The following DTX4 variants were observed in gnomAD, a reference collection of about 807,000 sequenced individuals.
DTX4 encodes E3 ubiquitin-protein ligase DTX4.
In DTX4, 28 loss-of-function variants were observed where a neutral mutation model predicts 57.6. That is an observed-to-expected ratio of 0.49 (90% confidence interval 0.36 to 0.67). DTX4 has a LOEUF of 0.67. DTX4 is among the 30% of genes least tolerant of loss of function. The pLI is 0.00. For missense variants in DTX4, 715 were observed against 836.8 expected (o/e 0.85, Z 1.80); for synonymous variants, 316 against 331.0 (o/e 0.95, Z 0.49).
At chr11:59,197,121 G>A (rs908740555) in intron 7 of DTX4, among the ~76,000 whole-genome samples, 5 of 152,150 alleles carry the variant, frequency 3.3e-5, no homozygotes, top group African/African-American at 7.2e-5. Context: ...GGGAAATAAC[G>A]TTTGCCTATG....
chr11:59,190,544 A>G (rs1862585492), intron 4 of DTX4, among the ~76,000 whole-genome samples: 1 of 152,102 alleles, frequency 6.6e-6, no homozygotes, highest in South Asian at 2.1e-4. Context: ...TCCCTAAATC[A>G]TTGCAGCCCA....
chr11:59,181,798 G>A lies in DTX4; in HGVS notation c.271G>A (p.Val91Met), dbSNP rs745756061. 8.7e-6 allele frequency: 14 copies of A among 1,613,954 alleles called. No homozygotes were observed. The highest frequency in any genetic ancestry group is 5.5e-5 in the South Asian group (5 of 91,086). Reference protein sequence around the residue: ...YDPSSAPGKGVVWEWENDNGS... With the variant: ...YDPSSAPGKGMVWEWENDNGS... ...CCCCTCCTCGGCCCCTGGGAAGGGCGTGGTGTGGGAGTGGGAGAACGACAA... is the reference window on the plus strand; with the variant it reads ...CCCCTCCTCGGCCCCTGGGAAGGGCATGGTGTGGGAGTGGGAGAACGACAA... Residue 91 changes from valine to methionine, a missense_variant, in exon 2 of 9, where the codon GTG (valine) becomes ATG (methionine). Transcript: ENST00000227451.
At chr11:59,190,190 T>C (rs1862578819) in intron 4 of DTX4, among the ~76,000 whole-genome samples, 1 of 152,220 alleles carries the variant, frequency 6.6e-6, no homozygotes, top group Admixed American at 6.5e-5. Context: ...TTCCAGTCCG[T>C]CAAGATTTCC....
At chr11:59,203,670 T>C (rs1862766118) in intron 8 of DTX4, among the ~76,000 whole-genome samples, 1 of 152,240 alleles carries the variant, frequency 6.6e-6, no homozygotes, top group South Asian at 2.1e-4. Flanking sequence ...TGATTAAAAG[T>C]ACAGTATAGT....
At chr11:59,184,724 A>G (rs765385696) in intron 2 of DTX4, among the ~76,000 whole-genome samples, 3 of 152,122 alleles carry the variant, frequency 2.0e-5, no homozygotes, top group Non-Finnish European at 2.9e-5. Flanking sequence ...GAATGGGTGG[A>G]GGTCTGAGCA....
At chr11:59,188,968 A>G (rs558383154) in intron 3 of DTX4, among the ~76,000 whole-genome samples, 172 bp downstream of exon 3, 2 of 152,380 alleles carry the variant, frequency 1.3e-5, no homozygotes, top group East Asian at 3.9e-4. Flanking sequence ...ACTGATTACT[A>G]AAAGGAAAGC....
intron 2 of DTX4, among the ~76,000 whole-genome samples, chr11:59,187,356 T>C (rs1260450897): frequency 1.3e-5 from 2 of 152,150 alleles, no homozygotes; most frequent in African/African-American, 4.8e-5. Context: ...GCATAGGATG[T>C]TGGAAGGATC....
intron 8 of DTX4, among the ~76,000 whole-genome samples, chr11:59,203,265 TA>T (rs1862760915): frequency 6.6e-6 from 1 of 152,264 alleles, no homozygotes; most frequent in Non-Finnish European, 1.5e-5. Context: ...AAAAACCTTT[TA>T]ACTTTTTTCA....
At chr11:59,200,656 G>A (rs1347271109) in intron 8 of DTX4, among the ~76,000 whole-genome samples, 1 of 152,108 alleles carries the variant, frequency 6.6e-6, no homozygotes, top group Non-Finnish European at 1.5e-5. Flanking sequence ...ACAATCATTG[G>A]GTTTCTGGAT....
rs77538115 is a variant in DTX4, at chr11:59,196,174, C to A, written c.1536+805C>A. On this transcript the variant is annotated intron_variant, in intron 7 of 8. Coordinates refer to ENST00000227451, the MANE Select transcript of DTX4 (RefSeq NM_015177.2). ...TTCTTCCATTTTGTCTTTTATTTAA[C>A]AAACATGGAGTGTGGATTATGGTCC... Among the ~76,000 whole-genome samples the A allele has an allele frequency of 8.1e-4, 123 of 152,316 alleles. 1 individual carries two copies. The highest frequency in any genetic ancestry group is 2.8e-3 in the African/African-American group (116 of 41,570).
intron 2 of DTX4, among the ~76,000 whole-genome samples, 193 bp downstream of exon 2, chr11:59,182,655 T>C (rs1862481925): frequency 6.6e-6 from 1 of 152,190 alleles, no homozygotes; most frequent in Non-Finnish European, 1.5e-5. Flanking sequence ...TGGCCTCTGA[T>C]CTGGACTCTG....
chr11:59,196,794 G>A (rs934162431), intron 7 of DTX4, among the ~76,000 whole-genome samples: 1 of 152,134 alleles, frequency 6.6e-6, no homozygotes, highest in African/African-American at 2.4e-5. Flanking sequence ...ATGCCCAGAT[G>A]AGGCCATCTA....
At chr11:59,180,237 A>G (rs912919767) in intron 1 of DTX4, among the ~76,000 whole-genome samples, 1 of 152,030 alleles carries the variant, frequency 6.6e-6, no homozygotes, top group Non-Finnish European at 1.5e-5. Flanking sequence ...CAAGCTGCGC[A>G]CTTAGGAAGG....
chr11:59,207,286 G>T lies in DTX4; in HGVS notation c.*2377G>T. The T allele has an allele frequency of 6.6e-6, 1 of 152,582 alleles. No homozygotes were observed. The allele number at this position is 152,582 out of a possible 1,614,324, so 9.5% of individuals were successfully genotyped here. A position where few individuals can be genotyped will look rare whatever the true frequency, so the allele number is the denominator to read the frequency against. On this transcript the variant is annotated 3_prime_UTR_variant, in exon 9 of 9. Transcript: ENST00000227451. ...TAGGTGGGGAAGGGGGTGGCCAGGA[G>T]CAGAAGGAAGAAGACTCAAGATGGA...
At position 59,192,754 on chromosome 11, in the gene DTX4, A is replaced by G. The variant is rs1862615785; in HGVS notation, c.1374+504A>G. ...CACCCTTGATTGGCCCTTCAAAGGTACTAAAGACTGTTGCCAAAGTACACC... is the reference window on the plus strand; with the variant it reads ...CACCCTTGATTGGCCCTTCAAAGGTGCTAAAGACTGTTGCCAAAGTACACC... On this transcript the variant is annotated intron_variant, in intron 6 of 8. Transcript: ENST00000227451. Among the ~76,000 whole-genome samples the G allele has an allele frequency of 2.0e-5, 3 of 152,208 alleles. No homozygotes were observed. The South Asian group carries it at 6.2e-4, about 31-fold the overall frequency.
intron 2 of DTX4, among the ~76,000 whole-genome samples, chr11:59,182,716 C>A (rs895060818): frequency 2.6e-5 from 4 of 152,172 alleles, no homozygotes; most frequent in Non-Finnish European, 4.4e-5. Flanking sequence ...AGATCCCTAA[C>A]GTCATGGAGT....
intron 7 of DTX4, 129 bp downstream of exon 7, chr11:59,195,498 C>T (rs566527356): frequency 2.9e-5 from 31 of 1,051,304 alleles, no homozygotes; most frequent in African/African-American, 2.6e-4. Context: ...CAGCCTTGCC[C>T]GCTGACACTA....
Position 59,182,299 on chromosome 11 carries a change from A to G in DTX4, c.772A>G (p.Ile258Val), listed in dbSNP as rs1462696345. The change falls in exon 2 of 9, where the codon ATC becomes GTC. Residue 258 changes from isoleucine to valine, a missense_variant. By Grantham distance (29) the Ile-to-Val change is conservative. Coordinates refer to ENST00000227451, the MANE Select transcript of DTX4 (RefSeq NM_015177.2). ...GPLKTAPSQV[I>V]RRQASSMPTG... ...ACTGAAGACCGCCCCATCGCAGGTGATCCGGAGACAAGCCTCCAGCATGCC... is the reference window on the plus strand; with the variant it reads ...ACTGAAGACCGCCCCATCGCAGGTGGTCCGGAGACAAGCCTCCAGCATGCC... 2.5e-6 allele frequency: 4 copies of G among 1,612,328 alleles called. No individual in the cohort carries two copies. In the African/African-American group the frequency reaches 4.0e-5, roughly 16 times the overall value.
intron 8 of DTX4, among the ~76,000 whole-genome samples, chr11:59,201,207 T>C (rs1311495968): frequency 6.6e-6 from 1 of 152,236 alleles, no homozygotes; most frequent in South Asian, 2.1e-4. Flanking sequence ...AGGGCACTAA[T>C]GTCATCCATT....
Sources: allele counts gnomAD v4.1 joint callset (sites outside exome capture counted in the v4.1 genomes callset), GRCh38; gene constraint gnomAD v4.1.1; transcripts MANE v1.5; gene names NCBI Gene and HGNC (gene_info 2026-07-23, HGNC 2026-07-21).